The following DRD3 variants were observed in gnomAD, a reference collection of about 807,000 sequenced individuals.
DRD3 encodes D(3) dopamine receptor.
Under a neutral mutation model 36.3 loss-of-function variants are expected in DRD3, and 19 were observed. That is an observed-to-expected ratio of 0.52 (90% CI 0.36 to 0.77). The LOEUF is 0.77. Among genes scored for constraint, DRD3 ranks in the 30% least tolerant of loss-of-function variants. DRD3 has a pLI of 0.00. For missense variants in DRD3, 465 were observed against 505.3 expected (o/e 0.92, Z 0.77); for synonymous variants, 195 against 203.7 (o/e 0.96, Z 0.36).
At chr3:114,164,997 C>T (rs1188509136) in intron 2 of DRD3, among the ~76,000 whole-genome samples, 2 of 152,222 alleles carry the variant, frequency 1.3e-5, no homozygotes, top group Admixed American at 6.5e-5. Context: ...GTGATCCACC[C>T]ACCTCGGCCT....
chr3:114,172,680 T>C (rs2077858441), intron 1 of DRD3, among the ~76,000 whole-genome samples: 1 of 152,194 alleles, frequency 6.6e-6, no homozygotes, highest in African/African-American at 2.4e-5. Context: ...CTCTGGGACC[T>C]TATGCATATT....
At chr3:114,159,263 C>T (rs1415110383) in intron 3 of DRD3, among the ~76,000 whole-genome samples, 1 of 151,942 alleles carries the variant, frequency 6.6e-6, no homozygotes, top group Non-Finnish European at 1.5e-5. Context: ...TCTAAAATTG[C>T]CTTTCTCCCC....
chr3:114,157,448 C>T (rs910951061), intron 3 of DRD3, among the ~76,000 whole-genome samples: 62 of 152,270 alleles, frequency 4.1e-4, no homozygotes, highest in African/African-American at 1.4e-3. Flanking sequence ...TCCATAAAGC[C>T]CTTTCACATT....
chr3:114,182,490 T>C (rs190184921), upstream of DRD3, among the ~76,000 whole-genome samples: 1 of 152,032 alleles, frequency 6.6e-6, no homozygotes, highest in Admixed American at 6.6e-5. Flanking sequence ...TGGTTTTTTA[T>C]ATCTGCATCT....
At chr3:114,177,648 G>T (rs2077913313) in intron 1 of DRD3, among the ~76,000 whole-genome samples, 1 of 152,122 alleles carries the variant, frequency 6.6e-6, no homozygotes, top group Admixed American at 6.5e-5. Context: ...CCTTCTGTAT[G>T]GATGCTTTAA....
intron 5 of DRD3, among the ~76,000 whole-genome samples, chr3:114,135,984 C>G (rs1040691032): frequency 6.6e-6 from 1 of 152,186 alleles, no homozygotes. Context: ...AGCCACCACA[C>G]GCGGCCCCAA....
chr3:114,138,187 A>G (rs2077492224), intron 5 of DRD3, among the ~76,000 whole-genome samples: 1 of 148,786 alleles, frequency 6.7e-6, no homozygotes, highest in South Asian at 2.1e-4. Context: ...AAAAAAAAAA[A>G]AAGATTATCT....
chr3:114,168,599 C>T (rs1218390247), intron 2 of DRD3, among the ~76,000 whole-genome samples: 1 of 151,940 alleles, frequency 6.6e-6, no homozygotes, highest in African/African-American at 2.4e-5. Flanking sequence ...TGTCCCTACC[C>T]ATCCTATTTT....
At chr3:114,193,650 C>T (rs938743501) in intron 1 of DRD3, among the ~76,000 whole-genome samples, 2 of 152,198 alleles carry the variant, frequency 1.3e-5, no homozygotes, top group African/African-American at 4.8e-5. Context: ...AACATACCTT[C>T]CTTGCATCCT....
At chr3:114,184,050 T>C (rs919867313), upstream of DRD3, among the ~76,000 whole-genome samples, 1 of 152,226 alleles carries the variant, frequency 6.6e-6, no homozygotes, top group South Asian at 2.1e-4. Flanking sequence ...TCACTCTGCA[T>C]GACTCTTTTT....
chr3:114,190,463 T>TATATATA (rs60042583), intron 1 of DRD3, among the ~76,000 whole-genome samples: 1 of 5,570 alleles, frequency 1.8e-4, no homozygotes, highest in Non-Finnish European at 3.3e-4. Flanking sequence ...TATATATATA[T>TATATATA]TTTTTTTTTT....
chr3:114,166,916 C>T (rs141775655), intron 2 of DRD3, among the ~76,000 whole-genome samples: 22 of 152,244 alleles, frequency 1.4e-4, no homozygotes, highest in East Asian at 1.4e-3. Context: ...AGTTTGGTGA[C>T]GAGATCGTGA....
At chr3:114,150,588 G>A (rs1458698271) in intron 3 of DRD3, among the ~76,000 whole-genome samples, 1 of 152,240 alleles carries the variant, frequency 6.6e-6, no homozygotes, top group African/African-American at 2.4e-5. Flanking sequence ...TTTCCTGTAA[G>A]AGGGGAAGGC....
At chr3:114,142,068 A>G (rs6795188) in intron 4 of DRD3, among the ~76,000 whole-genome samples, 9,923 of 141,352 alleles carry the variant, frequency 0.07, 473 homozygotes, top group African/African-American at 0.13. Context: ...AAAAAAAAAA[A>G]AAAAGAAAAG....
chr3:114,171,429 A>G lies in DRD3; in HGVS notation c.270+294T>C, dbSNP rs324024. ...TGTCATTGAGACATGTCTGGCACAGAGAATAAACTCTAGGCCATATTAGGA... is the reference window on the plus strand; with the variant it reads ...TGTCATTGAGACATGTCTGGCACAGGGAATAAACTCTAGGCCATATTAGGA... On this transcript the variant is annotated intron_variant, in intron 2 of 6. Coordinates refer to ENST00000383673, the MANE Select transcript of DRD3 (RefSeq NM_000796.6). Among the ~76,000 whole-genome samples the G allele has an allele frequency of 8.5e-3, 1,291 of 152,276 alleles. 6 individuals carry two copies. The highest frequency in any genetic ancestry group is 0.017 in the African/African-American group (695 of 41,552).
chr3:114,143,330 A>G (rs2077543312), intron 4 of DRD3, among the ~76,000 whole-genome samples: 1 of 152,230 alleles, frequency 6.6e-6, no homozygotes, highest in African/African-American at 2.4e-5. Context: ...TATCCCAACT[A>G]ATCTCAACAT....
chr3:114,176,241 C>G (rs1017555138), intron 1 of DRD3: 3 of 152,186 alleles, frequency 2.0e-5, no homozygotes, highest in African/African-American at 4.8e-5. Context: ...TGGGCTACTA[C>G]TGTGTGGCAA....
intron 4 of DRD3, among the ~76,000 whole-genome samples, chr3:114,144,600 A>T (rs1423852982): frequency 1.3e-5 from 2 of 152,180 alleles, no homozygotes; most frequent in Non-Finnish European, 2.9e-5. Context: ...GGAAGGGGCG[A>T]CTGATCTCTA....
At chr3:114,135,595 C>A (rs1240467174) in intron 5 of DRD3, among the ~76,000 whole-genome samples, 1 of 152,102 alleles carries the variant, frequency 6.6e-6, no homozygotes, top group Non-Finnish European at 1.5e-5. Context: ...AGTTTGATGG[C>A]ATTTTCTAAT....
Sources: allele counts gnomAD v4.1 joint callset (sites outside exome capture counted in the v4.1 genomes callset), GRCh38; gene constraint gnomAD v4.1.1; transcripts MANE v1.5; gene names NCBI Gene and HGNC (gene_info 2026-07-23, HGNC 2026-07-21).